The following FFAR4 variants were observed in gnomAD, a reference collection of about 807,000 sequenced individuals.
FFAR4 encodes free fatty acid receptor 4, also known as G-protein coupled receptor 120.
FFAR4 carries 19 observed loss-of-function variants against 27.0 expected under a neutral mutation model. That is an observed-to-expected ratio of 0.70 (90% CI 0.49 to 1.03). The LOEUF is 1.03. FFAR4 is among the 50% of genes least tolerant of loss of function. The pLI, the probability that FFAR4 is intolerant of heterozygous loss-of-function variation, is 0.00. For synonymous variants in FFAR4, 254 were observed against 215.6 expected, an observed-to-expected ratio of 1.18 and a Z score of -1.56; for missense variants, 476 against 479.0, an observed-to-expected ratio of 0.99 and a Z score of 0.06.
At chr10:93,571,324 G>T (rs1463356180) in intron 1 of FFAR4, among the ~76,000 whole-genome samples, 1 of 152,094 alleles carries the variant, frequency 6.6e-6, no homozygotes, top group Non-Finnish European at 1.5e-5. Context: ...TTCCCCTCTT[G>T]CCCCTGCCAC....
chr10:93,581,878 G>C (rs769000703), intron 2 of FFAR4, among the ~76,000 whole-genome samples: 7 of 152,164 alleles, frequency 4.6e-5, no homozygotes, highest in Non-Finnish European at 1.0e-4. Context: ...CACCGGAGAA[G>C]ACACTGGCAC....
chr10:93,586,217 G>A (rs988922238), intron 2 of FFAR4, among the ~76,000 whole-genome samples: 26 of 152,130 alleles, frequency 1.7e-4, no homozygotes, highest in African/African-American at 6.3e-4. Context: ...TTTCCCACAG[G>A]CTACTCTCGT....
chr10:93,587,619 A>G lies in FFAR4; in HGVS notation c.*10A>G. The G allele has an allele frequency of 1.9e-6, 3 of 1,606,848 alleles. No individual in the cohort carries two copies. Among genetic ancestry groups the G allele is most frequent in the Non-Finnish European group, 2.5e-6 (3 of 1,178,040 alleles). ...GATTATTTCTGGCTAATTTTTCTTT[A>G]TAGCCGAGTTTCTCACACCTGGCGA... On this transcript the variant is annotated 3_prime_UTR_variant, in exon 3 of 3. Coordinates refer to ENST00000371481, the MANE Select transcript of FFAR4 (RefSeq NM_001195755.2).
intron 2 of FFAR4, among the ~76,000 whole-genome samples, chr10:93,586,040 A>G (rs193115063): frequency 3.3e-5 from 5 of 152,318 alleles, no homozygotes; most frequent in East Asian, 1.9e-4. Flanking sequence ...CCACACTGGT[A>G]TGCCATCTCC....
chr10:93,573,324 C>T (rs955671186), intron 1 of FFAR4, among the ~76,000 whole-genome samples: 11 of 152,214 alleles, frequency 7.2e-5, no homozygotes, highest in Non-Finnish European at 1.0e-4. Flanking sequence ...GGCAGGCCTG[C>T]CACTTTTGTT....
intron 2 of FFAR4, among the ~76,000 whole-genome samples, chr10:93,584,070 C>T (rs1020361558): frequency 6.6e-6 from 1 of 152,216 alleles, no homozygotes; most frequent in Admixed American, 6.5e-5. Flanking sequence ...GCCCACCCAC[C>T]TGACACCCTG....
chr10:93,576,449 A>C (rs1364583036), intron 2 of FFAR4, among the ~76,000 whole-genome samples: 1 of 152,266 alleles, frequency 6.6e-6, no homozygotes, highest in East Asian at 1.9e-4. Flanking sequence ...ACAAAAAATT[A>C]AATTAAAATG....
chr10:93,566,816 G>T lies in FFAR4; in HGVS notation c.96G>T (p.Lys32Asn). The change falls in exon 1 of 3, where the codon AAG becomes AAT. Residue 32 changes from lysine (K) to asparagine (N), a missense_variant. By Grantham distance (94) the Lys-to-Asn change is moderately conservative (BLOSUM62 0). Coordinates refer to ENST00000371481, the MANE Select transcript of FFAR4 (RefSeq NM_001195755.2). ...GCTTTCCCTTCTTCTCCGACGTCAA[G>T]GGCGACCACCGGCTGGTGCTGGCCG... ...RTRFPFFSDV[K>N]GDHRLVLAAV... The T allele has an allele frequency of 6.2e-7, 1 of 1,605,684 alleles. No homozygotes were observed.
rs2134562547 is a variant in FFAR4 at position 93,590,068 on chromosome 10, A to C, written c.*2459A>C. 6.6e-6 allele frequency: 1 copy of C among 152,490 alleles called. No individual in the cohort carries two copies. The highest frequency in any genetic ancestry group is 1.9e-4 in the East Asian group (1 of 5,190). 9.4% of individuals were successfully genotyped at this position (152,490 alleles called of 1,614,324 possible). A position where few individuals can be genotyped will look rare whatever the true frequency, so the allele number is the denominator to read the frequency against. On this transcript the variant is annotated 3_prime_UTR_variant, in exon 3 of 3. Transcript: ENST00000371481. ...TTGATCAATTAAACCTGTTTTTGGAAGTGATGTGTGGCTATCTTATTGAAG... is the reference window on the plus strand; with the variant it reads ...TTGATCAATTAAACCTGTTTTTGGACGTGATGTGTGGCTATCTTATTGAAG...
chr10:93,582,044 T>C (rs796322375), intron 2 of FFAR4, among the ~76,000 whole-genome samples: 39 of 152,290 alleles, frequency 2.6e-4, no homozygotes, highest in African/African-American at 8.9e-4. Context: ...AATTGAGCAT[T>C]TAGTTTAATC....
chr10:93,578,885 C>CT (rs2058182099), intron 2 of FFAR4, among the ~76,000 whole-genome samples: 2 of 152,184 alleles, frequency 1.3e-5, no homozygotes, highest in South Asian at 4.1e-4. Context: ...GACCTCCTTC[C>CT]TGGAGGTCTC....
In FFAR4 at chr10:93,588,922, A is replaced by G. The variant is rs1171519011; in HGVS notation, c.*1313A>G. The G allele has an allele frequency of 6.6e-6, 1 of 152,212 alleles. No individual in the cohort carries two copies. Among genetic ancestry groups the G allele is most frequent in the Non-Finnish European group, 1.5e-5 (1 of 68,030 alleles). The allele number at this position is 152,212 out of a possible 1,614,324, so 9.4% of individuals were successfully genotyped here. A position where few individuals can be genotyped will look rare whatever the true frequency, so the allele number is the denominator to read the frequency against. On this transcript the variant is annotated 3_prime_UTR_variant, in exon 3 of 3. Coordinates refer to ENST00000371481, the MANE Select transcript of FFAR4 (RefSeq NM_001195755.2). ...AAGAAAATGGGACGGGGGCTATGGT[A>G]GTGATGGGAATTTAGATCAGATGGG...
intron 1 of FFAR4, among the ~76,000 whole-genome samples, chr10:93,569,612 T>C (rs570477281): frequency 6.6e-6 from 1 of 152,264 alleles, no homozygotes; most frequent in African/African-American, 2.4e-5. Context: ...AAACACTTCC[T>C]TGGTTTTAAG....
intron 1 of FFAR4, among the ~76,000 whole-genome samples, chr10:93,567,490 T>G (rs1472760582): frequency 6.6e-6 from 1 of 152,212 alleles, no homozygotes; most frequent in East Asian, 1.9e-4. Flanking sequence ...TCCTAAATGA[T>G]GTAAGTGGAG....
intron 1 of FFAR4, 97 bp downstream of exon 1, chr10:93,567,384 T>G: frequency 9.7e-7 from 1 of 1,028,592 alleles, no homozygotes; most frequent in Non-Finnish European, 1.4e-6. Context: ...AGAACAACAA[T>G]AGCCATTTAT....
chr10:93,583,797 T>C (rs1467388709), intron 2 of FFAR4, among the ~76,000 whole-genome samples: 2 of 152,198 alleles, frequency 1.3e-5, no homozygotes, highest in Non-Finnish European at 2.9e-5. Context: ...GTTGGGAGAA[T>C]TTAAAAAGGT....
At chr10:93,581,497 C>A (rs1934702806) in intron 2 of FFAR4, among the ~76,000 whole-genome samples, 1 of 152,314 alleles carries the variant, frequency 6.6e-6, no homozygotes, top group South Asian at 2.1e-4. Flanking sequence ...ATCCTCTACC[C>A]ATCCCCACAT....
intron 2 of FFAR4, among the ~76,000 whole-genome samples, chr10:93,581,182 A>C (rs1018189439): frequency 3.9e-5 from 6 of 152,208 alleles, no homozygotes; most frequent in Non-Finnish European, 7.3e-5. Flanking sequence ...ATATTTGTCG[A>C]ATAAGTGAGT....
Position 93,583,516 on chromosome 10 carries a change from G to A in FFAR4, c.697-3704G>A, listed in dbSNP as rs368901373. 1.7e-4 allele frequency among the ~76,000 whole-genome samples: 26 copies of A among 152,144 alleles called. No individual in the cohort carries two copies. In the East Asian group the frequency reaches 2.7e-3, roughly 16 times the overall value. On this transcript the variant is annotated intron_variant, in intron 2 of 2. Coordinates refer to ENST00000371481, the MANE Select transcript of FFAR4 (RefSeq NM_001195755.2). ...AACAAAATGCTGCAAGATGCCAAGC[G>A]GGAGATGAACCAGGAATCCTTCTCA...
Sources: gnomAD v4.1 joint callset for allele counts (sites outside exome capture counted in the v4.1 genomes callset) on GRCh38, gnomAD v4.1.1 for gene constraint, MANE v1.5 for transcripts, NCBI Gene and HGNC (gene_info 2026-07-23, HGNC 2026-07-21) for gene names.